The following SPINK5 variants were observed in gnomAD, a reference collection of about 807,000 sequenced individuals.
The protein encoded by SPINK5 is serine protease inhibitor Kazal-type 5.
SPINK5 carries 125 observed loss-of-function variants against 151.8 expected under a neutral mutation model. The ratio of observed to expected loss-of-function variants is 0.82; its 90% CI spans 0.71 to 0.96. The LOEUF is 0.96. Ranked by LOEUF, SPINK5 falls within the 40% of genes least tolerant of loss-of-function variation. SPINK5 has a pLI of 0.00. For missense variants in SPINK5, 1,194 were observed against 1,291.9 expected (o/e 0.92, Z 1.16); for synonymous variants, 374 against 395.3 (o/e 0.95, Z 0.64).
rs1368659077 is a variant in SPINK5, at chr5:148,133,812, TACAC to T, written c.3115_3118del (p.His1039SerfsTer42). ...TCTGTTTTAGGATACGCCAAACAAA[TACAC>T]ACATCCGCAGTACAGGGAAGTGTGA... is the stretch of plus-strand genomic sequence containing the variant. On this transcript the variant is annotated frameshift_variant, in exon 32 of 33. Transcript: ENST00000256084. LOFTEE classifies it high-confidence loss of function. 1 of 1,614,004 alleles carries T rather than the reference TACAC, an allele frequency of 6.2e-7. No homozygotes were observed. The highest frequency in any genetic ancestry group is 1.1e-5 in the South Asian group (1 of 91,084).
chr5:148,070,590 C>A, intron 3 of SPINK5, 140 bp downstream of exon 3: 1 of 1,037,372 alleles, frequency 9.6e-7, no homozygotes, highest in Non-Finnish European at 1.4e-6. Context: ...ATCACTCTGA[C>A]ATTTCCCATC....
chr5:148,085,837 A>C (rs978491657), intron 4 of SPINK5, among the ~76,000 whole-genome samples: 4 of 151,908 alleles, frequency 2.6e-5, no homozygotes, highest in African/African-American at 9.7e-5. Context: ...AGTGCTATAC[A>C]TGAATTAACA....
intron 9 of SPINK5, among the ~76,000 whole-genome samples, chr5:148,095,236 T>A (rs6580521): frequency 0.51 from 78,112 of 151,818 alleles, 20,209 homozygotes; most frequent in Admixed American, 0.61. Context: ...TTCTCCAAGT[T>A]TTTGTTGACT....
chr5:148,114,499 C>A lies in SPINK5; in HGVS notation c.2015+10C>A, dbSNP rs1392036896. On this transcript the variant is annotated intron_variant, in intron 21 of 32. Coordinates refer to ENST00000256084, the MANE Select transcript of SPINK5 (RefSeq NM_006846.4). ...TGTGTAAGGCAGTCTTGTGAGTGCA[C>A]AAAGAAAACCACTACTGTGGGATGG... 3 of 1,612,732 alleles carry A rather than the reference C, an allele frequency of 1.9e-6. No homozygotes were observed. The highest frequency in any genetic ancestry group is 1.1e-5 in the South Asian group (1 of 90,918).
At chr5:148,087,807 T>A (rs1753201649) in intron 5 of SPINK5, among the ~76,000 whole-genome samples, 1 of 151,884 alleles carries the variant, frequency 6.6e-6, no homozygotes, top group African/African-American at 2.4e-5. Flanking sequence ...TTGTGTTGTT[T>A]CCCTTGCAGC....
chr5:148,131,603 GT>G (rs1036512491), intron 31 of SPINK5, among the ~76,000 whole-genome samples: 2 of 152,106 alleles, frequency 1.3e-5, no homozygotes, highest in African/African-American at 4.8e-5. Context: ...TACCTACATT[GT>G]TATATGCTCT....
In SPINK5 at chr5:148,104,938, T is replaced by A. The variant is rs1294625677; in HGVS notation, c.1431-14T>A. 12 of 1,609,416 alleles carry A rather than the reference T, an allele frequency of 7.5e-6. No homozygotes were observed. The highest frequency in any genetic ancestry group is 1.3e-5 in the African/African-American group (1 of 74,562). On this transcript the variant is annotated splice_polypyrimidine_tract_variant and intron_variant, in intron 15 of 32. Coordinates refer to ENST00000256084, the MANE Select transcript of SPINK5 (RefSeq NM_006846.4). ...ATCCATTTCTTCTCTCTTTTTCTTT[T>A]CGGTTTCTTAAAGTCAACAAGAAGA...
Position 148,091,238 on chromosome 5 carries a change from C to T in SPINK5, c.666+10C>T, listed in dbSNP as rs773205014. 1.6e-5 allele frequency: 26 copies of T among 1,610,156 alleles called. No homozygotes were observed. Among genetic ancestry groups the T allele is most frequent in the Non-Finnish European group, 2.0e-5 (24 of 1,177,852 alleles). On this transcript the variant is annotated intron_variant, in intron 8 of 32. Coordinates refer to ENST00000256084, the MANE Select transcript of SPINK5 (RefSeq NM_006846.4). ...ACGAAATGCTGAAAAGGTAAAATGA[C>T]TCACCAACGCAATTTTGTTCTTGTG...
At chr5:148,077,260 T>C (rs1752907939) in intron 4 of SPINK5, among the ~76,000 whole-genome samples, 1 of 149,270 alleles carries the variant, frequency 6.7e-6, no homozygotes, top group Admixed American at 6.7e-5. Flanking sequence ...ATACAGGCTG[T>C]ATACAATTAA....
intron 10 of SPINK5, among the ~76,000 whole-genome samples, chr5:148,096,730 CT>C (rs1478827859): frequency 3.1e-4 from 44 of 143,322 alleles, no homozygotes; most frequent in Non-Finnish European, 4.8e-4. Flanking sequence ...TTCTTTTTTT[CT>C]TTTTCTTTTT....
At chr5:148,097,424 C>T (rs1753498967) in intron 10 of SPINK5, among the ~76,000 whole-genome samples, 2 of 151,924 alleles carry the variant, frequency 1.3e-5, no homozygotes, top group Non-Finnish European at 2.9e-5. Context: ...TCTTTCACAC[C>T]CCTGTGTGTT....
rs67549762 is a variant in SPINK5 at position 148,073,814 on chromosome 5, TCACACACACACACACACACACACA to T, written c.282+1619_282+1642del. On this transcript the variant is annotated intron_variant, in intron 4 of 32. Transcript: ENST00000256084. ...TTTTTGTTAATATATTATGCCTGAG[TCACACACACACACACACACACACA>T]CACACACACACACACACACACACAA... Among the ~76,000 whole-genome samples, 609 of 113,814 alleles carry T rather than the reference TCACACACACACACACACACACACA, an allele frequency of 5.4e-3. 6 individuals are homozygous for T. The highest frequency in any genetic ancestry group is 6.9e-3 in the Non-Finnish European group (390 of 56,180). The allele number at this position is 113,814 out of a possible 152,430, so 74.7% of individuals were successfully genotyped here.
At chr5:148,136,713 C>G (rs1754702489) in intron 32 of SPINK5, among the ~76,000 whole-genome samples, 1 of 152,176 alleles carries the variant, frequency 6.6e-6, no homozygotes, top group Non-Finnish European at 1.5e-5. Context: ...ACACCTACTT[C>G]TTTTTTATCA....
At chr5:148,124,049 G>C in intron 27 of SPINK5, 89 bp downstream of exon 27, 2 of 1,437,482 alleles carry the variant, frequency 1.4e-6, no homozygotes, top group Non-Finnish European at 9.6e-7. Context: ...AAGATACTTG[G>C]CATCACACAT....
chr5:148,124,111 C>A (rs558282973), intron 27 of SPINK5, 151 bp downstream of exon 27: 1 of 992,062 alleles, frequency 1.0e-6, no homozygotes, highest in African/African-American at 1.6e-5. Flanking sequence ...AAAGCACTTT[C>A]ACAATAATTT....
intron 23 of SPINK5, 37 bp from the exon 24 acceptor site, chr5:148,118,949 T>C: frequency 6.2e-7 from 1 of 1,600,436 alleles, no homozygotes; most frequent in Non-Finnish European, 8.6e-7. Context: ...GGTCAATATT[T>C]GTTAACAAGA....
chr5:148,125,464 CG>C, intron 28 of SPINK5: 2 of 1,471,370 alleles, frequency 1.4e-6, no homozygotes, highest in Non-Finnish European at 1.9e-6. Context: ...GATGGATGAA[CG>C]GGAGAAAAAA....
At chr5:148,105,663 T>A (rs1418559892) in intron 16 of SPINK5, among the ~76,000 whole-genome samples, 1 of 152,086 alleles carries the variant, frequency 6.6e-6, no homozygotes, top group African/African-American at 2.4e-5. Context: ...TTGCCCAGGC[T>A]AGAGTGCAGT....
chr5:148,097,673 T>C (rs963388876), intron 10 of SPINK5, among the ~76,000 whole-genome samples, 194 bp from the exon 11 acceptor site: 3 of 152,064 alleles, frequency 2.0e-5, no homozygotes, highest in Non-Finnish European at 4.4e-5. Context: ...TATTTATATA[T>C]TCCTAACTTA....
Sources: allele counts gnomAD v4.1 joint callset (sites outside exome capture counted in the v4.1 genomes callset), GRCh38; gene constraint gnomAD v4.1.1; transcripts MANE v1.5; gene names NCBI Gene and HGNC (gene_info 2026-07-23, HGNC 2026-07-21).